EEIG1: variants seen among roughly 807,000 people sequenced by gnomAD.
EEIG1 encodes the protein early estrogen-induced gene 1 protein.
At chr9:127,974,813 C>A in the EEIG1 span, among the ~76,000 whole-genome samples, 1 of 152,198 alleles carries the variant, frequency 6.6e-6, no homozygotes, top group South Asian at 2.1e-4. Flanking sequence ...CAAGACAAAG[C>A]GTGTGTTCAG....
the EEIG1 span, among the ~76,000 whole-genome samples, chr9:127,960,132 A>C: frequency 3.9e-5 from 6 of 152,188 alleles, no homozygotes; most frequent in Non-Finnish European, 7.4e-5. Flanking sequence ...TGGCTGCTTC[A>C]GGTGGGGGGT....
the EEIG1 span, among the ~76,000 whole-genome samples, chr9:127,946,275 C>A: frequency 6.6e-6 from 1 of 152,192 alleles, no homozygotes; most frequent in Non-Finnish European, 1.5e-5. Flanking sequence ...ATGGTGAGGG[C>A]GAGCGGTCTG....
At chr9:127,950,372 T>C in the EEIG1 span, 1 of 1,575,350 alleles carries the variant, frequency 6.3e-7, no homozygotes, top group Non-Finnish European at 8.7e-7. Flanking sequence ...AGCAGCCTGG[T>C]TTGTCCCCAT....
chr9:127,946,893 G>A, the EEIG1 span, among the ~76,000 whole-genome samples: 1 of 152,144 alleles, frequency 6.6e-6, no homozygotes, highest in Non-Finnish European at 1.5e-5. Context: ...AATCAGGGTT[G>A]TCACGTGACA....
At chr9:127,978,452 A>G in the EEIG1 span, among the ~76,000 whole-genome samples, 1 of 152,124 alleles carries the variant, frequency 6.6e-6, no homozygotes, top group African/African-American at 2.4e-5. Context: ...CAGGGAGCAA[A>G]GGGCAGACCA....
chr9:127,980,027 C>T, the EEIG1 span: 1 of 1,613,702 alleles, frequency 6.2e-7, no homozygotes, highest in Non-Finnish European at 8.5e-7. Flanking sequence ...CTCCATCCAG[C>T]AGCCGGACCT....
the EEIG1 span, chr9:127,945,377 G>A: frequency 2.1e-5 from 33 of 1,585,600 alleles, no homozygotes; most frequent in African/African-American, 1.1e-4. This position sits in a 1 kb window ranked among gnomAD's most constrained non-coding sequence, Gnocchi z 6.5. Context: ...CTGAAAGAGC[G>A]ATCGGACAGA....
At chr9:127,945,718 G>A in the EEIG1 span, 16 of 1,585,568 alleles carry the variant, frequency 1.0e-5, no homozygotes, top group Middle Eastern at 1.7e-4. The surrounding 1 kb of genome is among the most constrained non-coding windows in gnomAD (Gnocchi z 6.5). Flanking sequence ...ACCTCCTCAG[G>A]GCTGGACAGG....
At chr9:127,944,973 A>C in the EEIG1 span, 5 of 1,533,944 alleles carry the variant, frequency 3.3e-6, no homozygotes, top group South Asian at 4.7e-5. Flanking sequence ...GACGACAATA[A>C]TGCCAGTCAG....
chr9:127,969,978 A>G, the EEIG1 span, among the ~76,000 whole-genome samples: 2 of 152,212 alleles, frequency 1.3e-5, no homozygotes, highest in East Asian at 3.9e-4. Context: ...GAGAGAACAT[A>G]CCCATGAAAC....
At chr9:127,973,622 C>A in the EEIG1 span, among the ~76,000 whole-genome samples, 4 of 152,198 alleles carry the variant, frequency 2.6e-5, no homozygotes, top group African/African-American at 9.7e-5. This position sits in a 1 kb window ranked among gnomAD's most constrained non-coding sequence, Gnocchi z 4.2. Context: ...GGCACAGTCA[C>A]GGCAGCTTCA....
chr9:127,947,132 G>A, the EEIG1 span, among the ~76,000 whole-genome samples: 1 of 151,770 alleles, frequency 6.6e-6, no homozygotes, highest in Non-Finnish European at 1.5e-5. Flanking sequence ...GCCCAGCCGG[G>A]CGCGGTGGCT....
At chr9:127,949,942 G>C in the EEIG1 span, among the ~76,000 whole-genome samples, 1 of 152,324 alleles carries the variant, frequency 6.6e-6, no homozygotes, top group South Asian at 2.1e-4. Context: ...CTGGGGGCCA[G>C]GCTACCACGT....
chr9:127,959,436 T>C, the EEIG1 span, among the ~76,000 whole-genome samples: 54 of 152,310 alleles, frequency 3.5e-4, 1 homozygote, highest in African/African-American at 1.3e-3. Context: ...ATGTCCAGAA[T>C]AGGCAAATCC....
chr9:127,979,491 A>G, the EEIG1 span, among the ~76,000 whole-genome samples: 1 of 152,188 alleles, frequency 6.6e-6, no homozygotes, highest in African/African-American at 2.4e-5. Context: ...CCAGAGGAGG[A>G]TAGTCACTCG....
chr9:127,964,744 AG>A, the EEIG1 span, among the ~76,000 whole-genome samples: 1 of 152,184 alleles, frequency 6.6e-6, no homozygotes, highest in Non-Finnish European at 1.5e-5. Context: ...CTGCGGGGGC[AG>A]GTGCTCAAAC....
the EEIG1 span, chr9:127,945,036 A>C: frequency 1.9e-6 from 2 of 1,054,824 alleles, no homozygotes; most frequent in Admixed American, 2.5e-5. This position sits in a 1 kb window ranked among gnomAD's most constrained non-coding sequence, Gnocchi z 6.5. Flanking sequence ...CTTCACTGAA[A>C]CCTCACATGC....
the EEIG1 span, chr9:127,943,617 GC>G: frequency 4.0e-6 from 1 of 249,924 alleles, no homozygotes; most frequent in African/African-American, 2.3e-5. Flanking sequence ...TCCCTGCCGA[GC>G]CCAGGCCCAG....
the EEIG1 span, chr9:127,943,526 CA>C: frequency 2.2e-6 from 1 of 463,640 alleles, no homozygotes; most frequent in South Asian, 2.4e-5. Context: ...CCCCACTTGA[CA>C]GGTGAAGAAA....
Sources: gnomAD v4.1 joint callset for allele counts (sites outside exome capture counted in the v4.1 genomes callset) on GRCh38, gnomAD v4.1.1 for gene constraint, Gnocchi (gnomAD v3.1) non-coding constraint, MANE v1.5 for transcripts, NCBI Gene and HGNC (gene_info 2026-07-23, HGNC 2026-07-21) for gene names.